The following CLIC6 variants were observed in gnomAD, a reference collection of about 807,000 sequenced individuals.
The protein encoded by CLIC6 is chloride intracellular channel protein 6.
Under a neutral mutation model 49.2 loss-of-function variants are expected in CLIC6, and 39 were observed. That is an observed-to-expected ratio of 0.79 (90% CI 0.61 to 1.04). CLIC6 has a LOEUF of 1.04. Ranked by LOEUF, CLIC6 falls within the 50% of genes least tolerant of loss-of-function variation. The probability of loss-of-function intolerance (pLI) is 0.00; values close to 1 mark genes in which losing one functional copy is unlikely to be tolerated. For synonymous variants in CLIC6, 446 were observed against 433.4 expected, an observed-to-expected ratio of 1.03 and a Z score of -0.36; for missense variants, 988 against 993.1, an observed-to-expected ratio of 0.99 and a Z score of 0.07.
intron 1 of CLIC6, among the ~76,000 whole-genome samples, chr21:34,694,380 C>T (rs1990056332): frequency 6.6e-6 from 1 of 152,034 alleles, no homozygotes; most frequent in Non-Finnish European, 1.5e-5. Flanking sequence ...GATCTCAGCT[C>T]ACTGCCGCCT....
chr21:34,693,944 CTGTTGTTGTTGT>C (rs568954883), intron 1 of CLIC6, among the ~76,000 whole-genome samples: 10 of 147,816 alleles, frequency 6.8e-5, no homozygotes, highest in East Asian at 2.0e-4. Context: ...CTTATGAGAT[CTGTTGTTGTTGT>C]TGTTGTTGTT....
chr21:34,710,017 A>C (rs111997664), intron 5 of CLIC6, among the ~76,000 whole-genome samples: 97 of 152,232 alleles, frequency 6.4e-4, no homozygotes, highest in African/African-American at 2.2e-3. Context: ...TCATGCCTGT[A>C]ATCCCAGTGA....
At chr21:34,689,178 T>C (rs1172632070) in intron 1 of CLIC6, among the ~76,000 whole-genome samples, 5 of 152,188 alleles carry the variant, frequency 3.3e-5, no homozygotes, top group Admixed American at 2.0e-4. Context: ...TGAACTGCAG[T>C]TCCAGATGCA....
intron 1 of CLIC6, among the ~76,000 whole-genome samples, chr21:34,697,800 G>A (rs965582116): frequency 6.6e-6 from 1 of 152,222 alleles, no homozygotes; most frequent in African/African-American, 2.4e-5. Flanking sequence ...AGACATTTGG[G>A]GATAGTTGAG....
chr21:34,682,428 G>T (rs1452352842), intron 1 of CLIC6, among the ~76,000 whole-genome samples: 9 of 152,110 alleles, frequency 5.9e-5, no homozygotes, highest in Non-Finnish European at 1.2e-4. Flanking sequence ...TATTTAAAAA[G>T]TATATAAGTA....
intron 1 of CLIC6, among the ~76,000 whole-genome samples, chr21:34,680,934 G>A (rs572319371): frequency 4.3e-4 from 65 of 152,246 alleles, no homozygotes; most frequent in African/African-American, 1.5e-3. Context: ...GTCTTCTTCT[G>A]AGCCCTCCAA....
chr21:34,679,966 TG>T (rs1362697287), intron 1 of CLIC6, among the ~76,000 whole-genome samples: 1 of 152,218 alleles, frequency 6.6e-6, no homozygotes, highest in Non-Finnish European at 1.5e-5. Context: ...TCCACCATTC[TG>T]GGGGCTGGAG....
intron 1 of CLIC6, among the ~76,000 whole-genome samples, chr21:34,676,266 A>C (rs898505765): frequency 8.3e-6 from 1 of 120,834 alleles, no homozygotes; most frequent in Admixed American, 9.1e-5. Flanking sequence ...GAGTATGTAA[A>C]AGCCAACACT....
chr21:34,670,482 A>T lies in CLIC6; in HGVS notation c.1094A>T (p.Gln365Leu). The T allele has an allele frequency of 1.3e-6, 2 of 1,492,636 alleles. No individual in the cohort carries two copies. Among genetic ancestry groups the T allele is most frequent in the Non-Finnish European group, 1.8e-6 (2 of 1,121,034 alleles). 92.5% of individuals were successfully genotyped at this position (1,492,636 alleles called of 1,614,324 possible). ...GEDRVGDGPQ[Q>L]EPGEDEERRE... ...GACAGGGTAGGGGATGGGCCACAGCAGGAGCCGGGGGAGGACGAAGAGAGA... is the reference window on the plus strand; with the variant it reads ...GACAGGGTAGGGGATGGGCCACAGCTGGAGCCGGGGGAGGACGAAGAGAGA... The change falls in exon 1 of 6, where the codon CAG becomes CTG. Residue 365 changes from glutamine (Q) to leucine (L), a missense_variant. By Grantham distance (113) the Gln-to-Leu change is moderately radical. Around this residue, in one of 3 missense-constraint regions of CLIC6, gnomAD observed 647 missense variants for 596.9 expected, o/e 1.08. Coordinates refer to ENST00000349499, the MANE Select transcript of CLIC6 (RefSeq NM_053277.3).
intron 1 of CLIC6, among the ~76,000 whole-genome samples, chr21:34,693,073 A>G (rs887530352): frequency 2.0e-5 from 3 of 152,216 alleles, no homozygotes; most frequent in African/African-American, 7.2e-5. Flanking sequence ...TGCACCATCT[A>G]GCTGCTGACC....
intron 1 of CLIC6, 72 bp from the exon 2 acceptor site, chr21:34,707,208 T>C (rs2056020385): frequency 2.7e-6 from 3 of 1,102,462 alleles, no homozygotes; most frequent in African/African-American, 3.1e-5. Context: ...TGATTTTGCA[T>C]GTGCATGTTG....
rs2056090809 is a variant in CLIC6 at position 34,716,882 on chromosome 21, AC to A, written c.*401del. On this transcript the variant is annotated 3_prime_UTR_variant, in exon 6 of 6. Transcript: ENST00000349499. ...CTCTATCACACACACACACACACACACACACACACACACACACAATTTCATT... is the reference window on the plus strand; with the variant it reads ...CTCTATCACACACACACACACACACAACACACACACACACACAATTTCATT... The A allele has an allele frequency of 6.3e-6, 1 of 157,646 alleles. No individual in the cohort carries two copies. Among genetic ancestry groups the A allele is most frequent in the Non-Finnish European group, 1.4e-5 (1 of 72,594 alleles). The allele number at this position is 157,646 out of a possible 1,614,324, so 9.8% of individuals were successfully genotyped here. A position where few individuals can be genotyped will look rare whatever the true frequency, so the allele number is the denominator to read the frequency against.
In CLIC6 at chr21:34,713,141, G is replaced by T. The variant is rs186605679; in HGVS notation, c.1900-3180G>T. 5.1e-3 allele frequency among the ~76,000 whole-genome samples: 782 copies of T among 152,304 alleles called. 9 individuals carry two copies. Among genetic ancestry groups the T allele is most frequent in the African/African-American group, 0.018 (741 of 41,562 alleles). On this transcript the variant is annotated intron_variant, in intron 5 of 5. Coordinates refer to ENST00000349499, the MANE Select transcript of CLIC6 (RefSeq NM_053277.3). ...TGGGGTAGACAGAGTTGATTGAAAA[G>T]AAGGGGGTGGGGGGAGGAATGATAA...
intron 1 of CLIC6, among the ~76,000 whole-genome samples, chr21:34,676,424 C>T (rs1989671640): frequency 6.6e-6 from 1 of 152,156 alleles, no homozygotes; most frequent in Non-Finnish European, 1.5e-5. Flanking sequence ...AGCTTCTTGC[C>T]CTCCCAGAGT....
chr21:34,670,118 G>T lies in CLIC6; in HGVS notation c.730G>T (p.Gly244Cys). ...GGCGGGGGACAGCGTAGACGCGGAG[G>T]GCCGGGTGGGGGACAGCGTAGAGGC... is the stretch of plus-strand genomic sequence containing the variant. Reference protein sequence around the residue: ...GPAGDSVDAEGRVGDSVEAGD... With the variant: ...GPAGDSVDAECRVGDSVEAGD... Residue 244 changes from glycine to cysteine, a missense_variant, in exon 1 of 6, where the codon GGC becomes TGC. By Grantham distance (159) the Gly-to-Cys change is radical. Around this residue, in one of 3 missense-constraint regions of CLIC6, gnomAD observed 57 missense variants for 117.6 expected, o/e 0.48. Coordinates refer to ENST00000349499, the MANE Select transcript of CLIC6 (RefSeq NM_053277.3). The T allele has an allele frequency of 2.2e-6, 3 of 1,389,894 alleles. No individual in the cohort carries two copies. The highest frequency in any genetic ancestry group is 2.8e-6 in the Non-Finnish European group (3 of 1,079,998). 86.1% of individuals were successfully genotyped at this position (1,389,894 alleles called of 1,614,324 possible). A position where few individuals can be genotyped will look rare whatever the true frequency, so the allele number is the denominator to read the frequency against.
chr21:34,713,971 A>G (rs2056071972), intron 5 of CLIC6, among the ~76,000 whole-genome samples: 2 of 152,220 alleles, frequency 1.3e-5, no homozygotes, highest in Admixed American at 1.3e-4. Flanking sequence ...TGTCTTCATG[A>G]ACCCATTAAA....
At chr21:34,690,551 C>A (rs921385161) in intron 1 of CLIC6, among the ~76,000 whole-genome samples, 4 of 152,104 alleles carry the variant, frequency 2.6e-5, no homozygotes, top group African/African-American at 9.7e-5. Context: ...GCCAGCCTCT[C>A]CTTTGTGTGG....
At chr21:34,714,888 C>T (rs927646338) in intron 5 of CLIC6, among the ~76,000 whole-genome samples, 11 of 152,110 alleles carry the variant, frequency 7.2e-5, no homozygotes, top group Non-Finnish European at 1.6e-4. Context: ...AAACAATGTA[C>T]TCAGGAATGT....
rs1568952977 is a variant in CLIC6, at chr21:34,669,587, A to C, written c.199A>C (p.Arg67=). ...GGAGGCAGGAGGCGGCGGGCCAGAC[A>C]GGGGCCCGGAGGCCGAGGCGCGGGG... ...VKEAGGGGPD[R]GPEAEARGTR... The change falls in exon 1 of 6, where the codon AGG becomes CGG. Residue 67 remains arginine, a synonymous_variant. Coordinates refer to ENST00000349499, the MANE Select transcript of CLIC6 (RefSeq NM_053277.3). The C allele has an allele frequency of 2.4e-6, 3 of 1,265,690 alleles. No individual in the cohort carries two copies. The highest frequency in any genetic ancestry group is 3.0e-6 in the Non-Finnish European group (3 of 1,009,040). The allele number at this position is 1,265,690 out of a possible 1,614,324, so 78.4% of individuals were successfully genotyped here. A position where few individuals can be genotyped will look rare whatever the true frequency, so the allele number is the denominator to read the frequency against.
Sources: gnomAD v4.1 joint callset for allele counts (sites outside exome capture counted in the v4.1 genomes callset) on GRCh38, gnomAD v4.1.1 for gene constraint, gnomAD v4.1.1 regional missense constraint, MANE v1.5 for transcripts, NCBI Gene and HGNC (gene_info 2026-07-23, HGNC 2026-07-21) for gene names.